OSR1: variants seen among roughly 807,000 people sequenced by gnomAD.
OSR1 encodes odd-skipped related transcription factor 1.
Under a neutral mutation model 15.7 loss-of-function variants are expected in OSR1, and 3 were observed. That is an observed-to-expected ratio of 0.19 (90% CI 0.09 to 0.50). The LOEUF (loss-of-function observed/expected upper bound fraction) is 0.50, where lower values mean the gene tolerates loss of function less well. Ranked by LOEUF, OSR1 falls within the 20% of genes least tolerant of loss-of-function variation. The probability of loss-of-function intolerance (pLI) is 0.97; values close to 1 mark genes in which losing one functional copy is unlikely to be tolerated. For missense variants in OSR1, 271 were observed against 351.1 expected (o/e 0.77, Z 1.82); for synonymous variants, 166 against 152.7 (o/e 1.09, Z -0.64).
At chr2:19,347,976 A>T (rs1244981736), downstream of OSR1, among the ~76,000 whole-genome samples, 1 of 152,208 alleles carries the variant, frequency 6.6e-6, no homozygotes, top group Non-Finnish European at 1.5e-5. Flanking sequence ...CTCCGCGACG[A>T]TTTCCACGCA....
rs983935546 is a variant in OSR1, at chr2:19,352,067, C to A, written c.*208G>T. On this transcript the variant is annotated 3_prime_UTR_variant, in exon 3 of 3. Transcript: ENST00000272223. ...CGCCTTTTGGCCAAGAGTTTAGCCG[C>A]GTCCTAGGGGAGCAGCAGGGACGGT... 5 of 450,146 alleles carry A rather than the reference C, an allele frequency of 1.1e-5. 1 individual carries two copies. The Admixed American group carries it at 1.6e-4, about 14-fold the overall frequency. The allele number at this position is 450,146 out of a possible 1,614,324, so 27.9% of individuals were successfully genotyped here. A position where few individuals can be genotyped will look rare whatever the true frequency, so the allele number is the denominator to read the frequency against.
At chr2:19,358,021 G>A (rs897635683) in intron 1 of OSR1, 1 of 152,240 alleles carries the variant, frequency 6.6e-6, no homozygotes, top group South Asian at 2.1e-4. Context: ...TTTCTTAAAG[G>A]GGGCCCACAG....
rs1286016818 is a variant in OSR1, at chr2:19,353,830, A to G, written c.-25T>C. On this transcript the variant is annotated 5_prime_UTR_variant, in exon 2 of 3. Coordinates refer to ENST00000272223, the MANE Select transcript of OSR1 (RefSeq NM_145260.3). ...TTTCGGTAGTTGCAGTGGCTTCTCAATCCGGATCTGCAAAGAAAAGAAGAA... is the reference window on the plus strand; with the variant it reads ...TTTCGGTAGTTGCAGTGGCTTCTCAGTCCGGATCTGCAAAGAAAAGAAGAA... 3 of 1,591,772 alleles carry G rather than the reference A, an allele frequency of 1.9e-6. No homozygotes were observed. Among genetic ancestry groups the G allele is most frequent in the South Asian group, 2.3e-5 (2 of 88,466 alleles).
At chr2:19,356,890 A>G (rs948188957) in intron 1 of OSR1, 1 of 152,218 alleles carries the variant, frequency 6.6e-6, no homozygotes, top group Non-Finnish European at 1.5e-5. Context: ...ATTCGGGGCT[A>G]ATTGAGCGTG....
rs199763633 is a variant in OSR1, at chr2:19,353,561, G to T, written c.245C>A (p.Ala82Glu). ...GGGAAAGGCGGGCAGCTGGAAGCGCGCATCCACCAAGCTGGACACCGTGCC... is the reference window on the plus strand; with the variant it reads ...GGGAAAGGCGGGCAGCTGGAAGCGCTCATCCACCAAGCTGGACACCGTGCC... ...VPGTVSSLVDARFQLPAFPWF... is the reference protein window; with the variant it reads ...VPGTVSSLVDERFQLPAFPWF... The change falls in exon 2 of 3, where the codon GCG becomes GAG. Residue 82 changes from alanine (A) to glutamate (E), a missense_variant. By Grantham distance (107) the Ala-to-Glu change is moderately radical. Around this residue, in one of 4 missense-constraint regions of OSR1, gnomAD observed 210 missense variants for 218.4 expected, o/e 0.96. Transcript: ENST00000272223. 22 of 1,614,158 alleles carry T rather than the reference G, an allele frequency of 1.4e-5. No homozygotes were observed. The highest frequency in any genetic ancestry group is 1.9e-5 in the Non-Finnish European group (22 of 1,180,016).
chr2:19,348,072 GA>G (rs1282166850), downstream of OSR1, among the ~76,000 whole-genome samples: 2 of 152,210 alleles, frequency 1.3e-5, no homozygotes, highest in African/African-American at 4.8e-5. Context: ...CGCAGTGGGA[GA>G]GGAGGGCGGG....
chr2:19,347,525 T>C (rs1664752179), downstream of OSR1, among the ~76,000 whole-genome samples: 1 of 152,180 alleles, frequency 6.6e-6, no homozygotes, highest in Non-Finnish European at 1.5e-5. Context: ...ATGAGATTTG[T>C]CTCCAACCTA....
At chr2:19,356,484 C>A (rs1015726080) in intron 1 of OSR1, 1 of 152,214 alleles carries the variant, frequency 6.6e-6, no homozygotes, top group African/African-American at 2.4e-5. Flanking sequence ...AAGAATGGGC[C>A]GAAAGCACGA....
the OSR1 span, among the ~76,000 whole-genome samples, chr2:19,345,722 T>A: frequency 1.3e-5 from 2 of 152,192 alleles, no homozygotes; most frequent in South Asian, 2.1e-4. Flanking sequence ...TGGAGACTAT[T>A]CCTTTTGGCT....
At chr2:19,350,877 G>C (rs1303378742), downstream of OSR1, among the ~76,000 whole-genome samples, 1 of 152,122 alleles carries the variant, frequency 6.6e-6, no homozygotes, top group African/African-American at 2.4e-5. Context: ...ATCCTAGGAG[G>C]GGACAAGTCC....
intron 1 of OSR1, 56 bp downstream of exon 1, chr2:19,358,285 T>G (rs1664992542): frequency 6.6e-6 from 1 of 152,550 alleles, no homozygotes; most frequent in Non-Finnish European, 1.5e-5. Flanking sequence ...ACAAGGAACC[T>G]GGGAGTCCTG....
Position 19,352,125 on chromosome 2 carries a change from G to T in OSR1, c.*150C>A. Reference sequence around the variant, plus strand: ...GCGGCCCCGGGCGGGGCTCTGAAGTGCCGCGTGCGCCAGGGACCCAGGGGA... The same window carrying T: ...GCGGCCCCGGGCGGGGCTCTGAAGTTCCGCGTGCGCCAGGGACCCAGGGGA... On this transcript the variant is annotated 3_prime_UTR_variant, in exon 3 of 3. Coordinates refer to ENST00000272223, the MANE Select transcript of OSR1 (RefSeq NM_145260.3). 1 of 866,990 alleles carries T rather than the reference G, an allele frequency of 1.2e-6. No homozygotes were observed. 53.7% of individuals were successfully genotyped at this position (866,990 alleles called of 1,614,324 possible).
At chr2:19,346,840 CCT>C (rs1267860328), downstream of OSR1, 2 of 152,230 alleles carry the variant, frequency 1.3e-5, no homozygotes. Context: ...TAAGCACTTC[CCT>C]ATCTTTGCAG....
At chr2:19,352,501 T>G in intron 2 of OSR1, 91 bp from the exon 3 acceptor site, 1 of 1,482,150 alleles carries the variant, frequency 6.7e-7, no homozygotes, top group Non-Finnish European at 9.2e-7. Context: ...GTGGGGCACT[T>G]GCCCTCAAAG....
At chr2:19,348,016 G>A (rs1446716165), downstream of OSR1, among the ~76,000 whole-genome samples, 6 of 152,368 alleles carry the variant, frequency 3.9e-5, no homozygotes, top group South Asian at 2.1e-4. Flanking sequence ...TCCGGCACCA[G>A]CAGCACTGGC....
Position 19,352,150 on chromosome 2 carries a change from A to G in OSR1, c.*125T>C. 9.1e-7 allele frequency: 1 copy of G among 1,103,798 alleles called. No homozygotes were observed. Among genetic ancestry groups the G allele is most frequent in the Non-Finnish European group, 1.3e-6 (1 of 793,804 alleles). 68.4% of individuals were successfully genotyped at this position (1,103,798 alleles called of 1,614,324 possible). A position where few individuals can be genotyped will look rare whatever the true frequency, so the allele number is the denominator to read the frequency against. On this transcript the variant is annotated 3_prime_UTR_variant, in exon 3 of 3. Transcript: ENST00000272223. Reference sequence around the variant, plus strand: ...GCCGCGTGCGCCAGGGACCCAGGGGACAATGTTGGAGAGGTGGAAGGTCCC... The same window carrying G: ...GCCGCGTGCGCCAGGGACCCAGGGGGCAATGTTGGAGAGGTGGAAGGTCCC...
chr2:19,353,132 G>T lies in OSR1; in HGVS notation c.665+9C>A, dbSNP rs1239803655. The T allele has an allele frequency of 1.2e-6, 2 of 1,612,362 alleles. No homozygotes were observed. Among genetic ancestry groups the T allele is most frequent in the East Asian group, 2.2e-5 (1 of 44,840 alleles). On this transcript the variant is annotated intron_variant, in intron 2 of 2. Coordinates refer to ENST00000272223, the MANE Select transcript of OSR1 (RefSeq NM_145260.3). ...AGAGCTCTCTCTTGCGCCACCCGCAGTGCCGCACCTGTGGTCTCGCAGGTG... is the reference window on the plus strand; with the variant it reads ...AGAGCTCTCTCTTGCGCCACCCGCATTGCCGCACCTGTGGTCTCGCAGGTG...
In OSR1 at chr2:19,353,293, G is replaced by A; in HGVS notation, c.513C>T (p.Thr171=). Residue 171 remains threonine (T), a synonymous_variant, in exon 2 of 3, where the codon ACC becomes ACT. Transcript: ENST00000272223. ...AGAACTTGCAGACGAATTCCTTCTT[G>A]GTCTTGGAAGGCAGACGTCCCCTTG... ...KPTRGRLPSK[T]KKEFVCKFCG... is the part of the protein sequence containing the mutation. 1 of 1,614,236 alleles carries A rather than the reference G, an allele frequency of 6.2e-7. No homozygotes were observed. Among genetic ancestry groups the A allele is most frequent in the Non-Finnish European group, 8.5e-7 (1 of 1,180,044 alleles).
In OSR1 at chr2:19,352,519, G is replaced by GTA. The variant is rs1237802978; in HGVS notation, c.666-111_666-110dup. The GTA allele has an allele frequency of 2.3e-6, 3 of 1,311,198 alleles. No individual in the cohort carries two copies. The African/African-American group carries it at 4.4e-5, about 19-fold the overall frequency. 81.2% of individuals were successfully genotyped at this position (1,311,198 alleles called of 1,614,324 possible). ...GGGCACTTGCCCTCAAAGGAAAAGTGTATAGTCAGGTACCAAGTGTGGATG... is the reference window on the plus strand; with the variant it reads ...GGGCACTTGCCCTCAAAGGAAAAGTGTATATAGTCAGGTACCAAGTGTGGATG... On this transcript the variant is annotated intron_variant, in intron 2 of 2. Coordinates refer to ENST00000272223, the MANE Select transcript of OSR1 (RefSeq NM_145260.3).
Sources: gnomAD v4.1 joint callset for allele counts (sites outside exome capture counted in the v4.1 genomes callset) on GRCh38, gnomAD v4.1.1 for gene constraint, gnomAD v4.1.1 regional missense constraint, MANE v1.5 for transcripts, NCBI Gene and HGNC (gene_info 2026-07-23, HGNC 2026-07-21) for gene names.